EFCAB13: variants seen among roughly 807,000 people sequenced by gnomAD.
EFCAB13 encodes the protein EF-hand calcium-binding domain-containing protein 13.
EFCAB13 carries 91 observed loss-of-function variants against 110.2 expected under a neutral mutation model. The observed-to-expected ratio is 0.83, with a 90% CI of 0.70 to 0.98. The LOEUF (loss-of-function observed/expected upper bound fraction) is 0.98, where lower values mean the gene tolerates loss of function less well. Ranked by LOEUF, EFCAB13 falls within the 50% of genes least tolerant of loss-of-function variation. The pLI is 0.00. For synonymous variants in EFCAB13, 323 were observed against 369.9 expected, an observed-to-expected ratio of 0.87 and a Z score of 1.45; for missense variants, 968 against 1,119.4, an observed-to-expected ratio of 0.86 and a Z score of 1.93.
intron 5 of EFCAB13, among the ~76,000 whole-genome samples, chr17:47,336,951 C>T (rs927902702): frequency 2.0e-5 from 3 of 152,132 alleles, no homozygotes; most frequent in Non-Finnish European, 4.4e-5. Context: ...ACTAAATGCT[C>T]ATCTTACCTG....
chr17:47,361,642 C>T (rs768773066), intron 10 of EFCAB13, 121 bp downstream of exon 10: 3 of 797,420 alleles, frequency 3.8e-6, no homozygotes, highest in Non-Finnish European at 5.5e-6. Context: ...TGATTCTTAC[C>T]TTTTGCCATT....
At chr17:47,375,026 C>A in intron 12 of EFCAB13, 60 bp downstream of exon 12, 2 of 1,469,448 alleles carry the variant, frequency 1.4e-6, no homozygotes, top group South Asian at 1.5e-5. Context: ...CAGAATGAAT[C>A]AATTATTAGA....
Position 47,412,279 on chromosome 17 carries a change from T to G in EFCAB13, c.2279-494T>G, listed in dbSNP as rs143021754. On this transcript the variant is annotated intron_variant, in intron 21 of 24. Coordinates refer to ENST00000331493, the MANE Select transcript of EFCAB13 (RefSeq NM_152347.5). ...GAAATGCAGTTCATACTCCAAGCCT[T>G]GAACCTCTGTGCTGGATTGCAGTTG... Among the ~76,000 whole-genome samples, 33 of 152,376 alleles carry G rather than the reference T, an allele frequency of 2.2e-4. No homozygotes were observed. The East Asian group carries it at 3.3e-3, about 15-fold the overall frequency.
At chr17:47,415,164 A>G (rs527699439) in intron 23 of EFCAB13, among the ~76,000 whole-genome samples, 3 of 151,266 alleles carry the variant, frequency 2.0e-5, no homozygotes, top group East Asian at 3.9e-4. Context: ...GCATATTCTC[A>G]CTCATAGGTG....
intron 10 of EFCAB13, among the ~76,000 whole-genome samples, chr17:47,368,226 G>A (rs1338212213): frequency 6.6e-6 from 1 of 152,184 alleles, no homozygotes; most frequent in Non-Finnish European, 1.5e-5. Flanking sequence ...TGGAAGAGAA[G>A]AACAAAGTTT....
intron 13 of EFCAB13, among the ~76,000 whole-genome samples, chr17:47,378,407 G>A (rs1318818026): frequency 6.6e-6 from 1 of 152,076 alleles, no homozygotes; most frequent in Non-Finnish European, 1.5e-5. Context: ...TTCTAGGAAG[G>A]GTTTTTATAC....
chr17:47,331,820 T>C (rs375449184), intron 4 of EFCAB13, among the ~76,000 whole-genome samples: 1 of 152,174 alleles, frequency 6.6e-6, no homozygotes, highest in Non-Finnish European at 1.5e-5. Context: ...GTTGGAATTA[T>C]ACAATATGGA....
chr17:47,343,107 A>G lies in EFCAB13; in HGVS notation c.304-1055A>G, dbSNP rs941246509. Among the ~76,000 whole-genome samples, 11 of 152,076 alleles carry G rather than the reference A, an allele frequency of 7.2e-5. 1 individual carries two copies. Among genetic ancestry groups the G allele is most frequent in the Admixed American group, 7.2e-4 (11 of 15,264 alleles). ...TTGTTGTTTTGTCTGATTCTCACTC[A>G]TGTTAACTTGTTCTTTGGGTGTTAT... On this transcript the variant is annotated intron_variant, in intron 6 of 24. Coordinates refer to ENST00000331493, the MANE Select transcript of EFCAB13 (RefSeq NM_152347.5).
chr17:47,385,333 C>T (rs1205499460), intron 14 of EFCAB13, among the ~76,000 whole-genome samples: 5 of 151,872 alleles, frequency 3.3e-5, no homozygotes, highest in African/African-American at 4.8e-5. Flanking sequence ...TTGGAGGCTT[C>T]GTTCATTCCT....
intron 18 of EFCAB13, among the ~76,000 whole-genome samples, chr17:47,402,913 A>G (rs2065786313): frequency 6.6e-6 from 1 of 152,216 alleles, no homozygotes; most frequent in Non-Finnish European, 1.5e-5. Flanking sequence ...AAGACAGGAA[A>G]ATGCTATTCT....
chr17:47,399,722 C>G (rs2065768884), intron 17 of EFCAB13, among the ~76,000 whole-genome samples: 1 of 151,302 alleles, frequency 6.6e-6, no homozygotes, highest in African/African-American at 2.4e-5. Flanking sequence ...TGGTGGTATT[C>G]CATGTTGACT....
chr17:47,415,790 C>G (rs1245124123), intron 23 of EFCAB13, among the ~76,000 whole-genome samples: 1 of 152,098 alleles, frequency 6.6e-6, no homozygotes, highest in African/African-American at 2.4e-5. Flanking sequence ...CAGTATCAAT[C>G]CCTGTATTAT....
intron 23 of EFCAB13, among the ~76,000 whole-genome samples, chr17:47,426,553 C>T (rs752505274): frequency 6.6e-6 from 1 of 152,046 alleles, no homozygotes; most frequent in Non-Finnish European, 1.5e-5. Flanking sequence ...GCAAAATAGC[C>T]TTATTTTCAT....
At chr17:47,377,085 A>G (rs1235485274) in intron 12 of EFCAB13, among the ~76,000 whole-genome samples, 1 of 152,172 alleles carries the variant, frequency 6.6e-6, no homozygotes, top group Non-Finnish European at 1.5e-5. Context: ...GGGAGGGTGA[A>G]GAACTCTACA....
intron 23 of EFCAB13, 145 bp from the exon 24 acceptor site, chr17:47,429,673 G>A (rs760193185): frequency 1.2e-4 from 130 of 1,089,672 alleles, no homozygotes; most frequent in Non-Finnish European, 1.4e-4. Context: ...ATACACTCTG[G>A]TTTTTAAAAC....
chr17:47,430,829 C>A (rs1005955123), intron 24 of EFCAB13: 6 of 151,946 alleles, frequency 3.9e-5, no homozygotes, highest in Non-Finnish European at 8.8e-5. Context: ...AAAATTCAAC[C>A]TTTATCTTGA....
At chr17:47,341,833 G>C in intron 5 of EFCAB13, 88 bp from the exon 6 acceptor site, 1 of 741,078 alleles carries the variant, frequency 1.3e-6, no homozygotes, top group African/African-American at 1.8e-5. Context: ...GTATACTTTT[G>C]TATATGTTAG....
chr17:47,425,427 T>G (rs1904919757), intron 23 of EFCAB13, among the ~76,000 whole-genome samples: 1 of 152,206 alleles, frequency 6.6e-6, no homozygotes, highest in South Asian at 2.1e-4. Context: ...TATAGGTTAT[T>G]GTACTGACCA....
rs1419909962 is a variant in EFCAB13, at chr17:47,341,977, A to G, written c.248A>G (p.Glu83Gly). The change falls in exon 6 of 25, where the codon GAA becomes GGA. Residue 83 changes from glutamate (E) to glycine (G), a missense_variant. By Grantham distance (98) the Glu-to-Gly change is moderately conservative (BLOSUM62 -2). Coordinates refer to ENST00000331493, the MANE Select transcript of EFCAB13 (RefSeq NM_152347.5). ...GEEKSSDFSG[E>G]KKVGRKSLQV... ...GAAAAGTCCTCTGATTTTTCAGGAG[A>G]AAAAAAAGTTGGGAGAAAGAGTTTA... 34 of 1,593,122 alleles carry G rather than the reference A, an allele frequency of 2.1e-5. No individual in the cohort carries two copies. The East Asian group carries it at 7.3e-4, about 34-fold the overall frequency.
Sources: gnomAD v4.1 joint callset for allele counts (sites outside exome capture counted in the v4.1 genomes callset) on GRCh38, gnomAD v4.1.1 for gene constraint, MANE v1.5 for transcripts, NCBI Gene and HGNC (gene_info 2026-07-23, HGNC 2026-07-21) for gene names.